RIT2: variants seen among roughly 807,000 people sequenced by gnomAD.
The protein encoded by RIT2 is GTP-binding protein Rit2.
Under a neutral mutation model 23.7 loss-of-function variants are expected in RIT2, and 24 were observed. The ratio of observed to expected loss-of-function variants is 1.01; its 90% CI spans 0.73 to 1.43. The LOEUF is 1.43. Among genes scored for constraint, RIT2 ranks in the 40% most tolerant of loss-of-function variants. The pLI, the probability that RIT2 is intolerant of heterozygous loss-of-function variation, is 0.00. For missense variants in RIT2, 236 were observed against 266.9 expected (o/e 0.88, Z 0.81); for synonymous variants, 107 against 91.1 (o/e 1.17, Z -0.99).
intron 2 of RIT2, among the ~76,000 whole-genome samples, chr18:42,977,249 T>A (rs960341841): frequency 6.6e-6 from 1 of 151,320 alleles, no homozygotes; most frequent in African/African-American, 2.5e-5. Flanking sequence ...TATCTATACT[T>A]CTGTAAAACA....
intron 3 of RIT2, among the ~76,000 whole-genome samples, chr18:42,953,603 C>A (rs571349505): frequency 6.6e-6 from 1 of 152,120 alleles, no homozygotes; most frequent in Non-Finnish European, 1.5e-5. Flanking sequence ...TTGGTTAACA[C>A]CATTTATTTC....
chr18:42,985,414 T>TTATATGGAA (rs1237433189), intron 2 of RIT2, among the ~76,000 whole-genome samples: 1 of 152,132 alleles, frequency 6.6e-6, no homozygotes, highest in Admixed American at 6.5e-5. Flanking sequence ...ACCAACTGAT[T>TTATATGGAA]CTAAATTTAT....
At chr18:42,912,721 G>A (rs1175578754) in intron 4 of RIT2, among the ~76,000 whole-genome samples, 1 of 151,840 alleles carries the variant, frequency 6.6e-6, no homozygotes, top group Non-Finnish European at 1.5e-5. Context: ...GAATCTAACA[G>A]CTACAGTTTT....
chr18:42,864,107 C>T (rs988888149), intron 4 of RIT2, among the ~76,000 whole-genome samples: 1 of 151,840 alleles, frequency 6.6e-6, no homozygotes, highest in Non-Finnish European at 1.5e-5. Context: ...TCAATAACTT[C>T]CTGACCCAGA....
At chr18:42,761,999 C>T (rs1181261369) in intron 4 of RIT2, among the ~76,000 whole-genome samples, 1 of 152,048 alleles carries the variant, frequency 6.6e-6, no homozygotes, top group Admixed American at 6.6e-5. Context: ...GAGATGTAAG[C>T]CAAGAAATCA....
intron 2 of RIT2, among the ~76,000 whole-genome samples, chr18:43,001,744 G>C (rs900986215): frequency 1.3e-5 from 2 of 151,822 alleles, no homozygotes; most frequent in African/African-American, 2.4e-5. Flanking sequence ...TTCTCTTTAC[G>C]TTATTAACCC....
intron 4 of RIT2, among the ~76,000 whole-genome samples, chr18:42,902,784 T>C (rs1269475253): frequency 3.3e-5 from 5 of 151,416 alleles, no homozygotes; most frequent in African/African-American, 4.8e-5. Context: ...TGTTAACTAA[T>C]GACAGAAATT....
intron 4 of RIT2, among the ~76,000 whole-genome samples, chr18:42,881,380 T>C (rs1387664640): frequency 6.6e-6 from 1 of 152,212 alleles, no homozygotes; most frequent in Non-Finnish European, 1.5e-5. Context: ...TTCAATCGAT[T>C]CTTTATTCAA....
intron 1 of RIT2, among the ~76,000 whole-genome samples, chr18:43,064,491 T>C (rs939947870): frequency 1.3e-5 from 2 of 152,238 alleles, no homozygotes; most frequent in Admixed American, 1.3e-4. Flanking sequence ...AAGAATTAAA[T>C]AAAGAGATGC....
intron 1 of RIT2, among the ~76,000 whole-genome samples, chr18:43,082,389 T>C (rs111742079): frequency 3.0e-4 from 45 of 152,226 alleles, no homozygotes; most frequent in African/African-American, 9.1e-4. Context: ...GAGGCCAGCA[T>C]CATCCTGATA....
chr18:42,820,116 C>T (rs935628117), intron 4 of RIT2, among the ~76,000 whole-genome samples: 22 of 152,128 alleles, frequency 1.4e-4, no homozygotes, highest in African/African-American at 5.3e-4. Flanking sequence ...ATTATTTTTT[C>T]CCCAAATATT....
intron 1 of RIT2, among the ~76,000 whole-genome samples, chr18:43,036,063 G>A (rs1244875646): frequency 6.6e-6 from 1 of 152,180 alleles, no homozygotes; most frequent in East Asian, 1.9e-4. Context: ...TATGGGCTAA[G>A]TTAATTGCTA....
At chr18:42,887,448 T>C (rs2144088366) in intron 4 of RIT2, among the ~76,000 whole-genome samples, 1 of 152,286 alleles carries the variant, frequency 6.6e-6, no homozygotes, top group African/African-American at 2.4e-5. Flanking sequence ...GCTTAGGTAA[T>C]GTATCACTCC....
At chr18:43,064,190 A>T (rs895624005) in intron 1 of RIT2, among the ~76,000 whole-genome samples, 2 of 152,184 alleles carry the variant, frequency 1.3e-5, no homozygotes, top group East Asian at 3.9e-4. Flanking sequence ...TGTTGAAGGA[A>T]AGTAAATTAA....
Position 43,019,180 on chromosome 18 carries a change from G to A in RIT2, c.160+14631C>T, listed in dbSNP as rs143336299. On this transcript the variant is annotated intron_variant, in intron 2 of 4. Transcript: ENST00000326695. ...TCACTAGTAAATACACATACAGACC[G>A]AAAATAAAGGGATAGAAAAAAATAC... Among the ~76,000 whole-genome samples the A allele has an allele frequency of 9.6e-3, 1,459 of 151,266 alleles. 20 individuals carry two copies. Among genetic ancestry groups the A allele is most frequent in the African/African-American group, 0.033 (1,376 of 41,244 alleles).
At chr18:42,983,982 T>C (rs1344622709) in intron 2 of RIT2, among the ~76,000 whole-genome samples, 3 of 152,042 alleles carry the variant, frequency 2.0e-5, no homozygotes, top group African/African-American at 7.2e-5. Flanking sequence ...ATCATGCATG[T>C]ATCATACAGA....
intron 4 of RIT2, among the ~76,000 whole-genome samples, chr18:42,836,345 T>A (rs1214135854): frequency 6.6e-6 from 1 of 152,018 alleles, no homozygotes; most frequent in African/African-American, 2.4e-5. Context: ...CTGAAGGAAA[T>A]GACACAGAGT....
intron 4 of RIT2, among the ~76,000 whole-genome samples, chr18:42,753,211 G>T (rs1913087485): frequency 6.6e-6 from 1 of 152,100 alleles, no homozygotes; most frequent in African/African-American, 2.4e-5. Context: ...CCAACAATCT[G>T]CTGACTTCAG....
At chr18:42,805,898 A>C (rs1332751264) in intron 4 of RIT2, among the ~76,000 whole-genome samples, 4 of 152,098 alleles carry the variant, frequency 2.6e-5, no homozygotes, top group African/African-American at 9.7e-5. Context: ...CCAGCCTTTC[A>C]CTGAATACTC....
Sources: gnomAD v4.1 joint callset for allele counts (sites outside exome capture counted in the v4.1 genomes callset) on GRCh38, gnomAD v4.1.1 for gene constraint, MANE v1.5 for transcripts, NCBI Gene and HGNC (gene_info 2026-07-23, HGNC 2026-07-21) for gene names.